The following ATP8A1 variants were observed in gnomAD, a reference collection of about 807,000 sequenced individuals.
The protein encoded by ATP8A1 is phospholipid-transporting ATPase IA.
In ATP8A1, 90 loss-of-function variants were observed where a neutral mutation model predicts 177.7. The ratio of observed to expected loss-of-function variants is 0.51; its 90% confidence interval spans 0.43 to 0.60. ATP8A1 has a LOEUF of 0.60. ATP8A1 is among the 20% of genes least tolerant of loss of function. The pLI is 0.00. For synonymous variants in ATP8A1, 493 were observed against 485.9 expected (o/e 1.01, Z -0.19); for missense variants, 1,072 against 1,392.8 (o/e 0.77, Z 3.67).
At position 42,467,475 on chromosome 4, in the gene ATP8A1, C is replaced by A. The variant is rs767695272; in HGVS notation, c.2325-2399G>T. Among the ~76,000 whole-genome samples, 92 of 151,982 alleles carry A rather than the reference C, an allele frequency of 6.1e-4. 1 individual carries two copies. Among genetic ancestry groups the A allele is most frequent in the Non-Finnish European group, 8.5e-4 (58 of 67,998 alleles). Reference sequence around the variant, plus strand: ...TTGGGAGGCTGAGGTGAGCGGATCACGAGGTCAGGAGATCGAGACCAGCCT... The same window carrying A: ...TTGGGAGGCTGAGGTGAGCGGATCAAGAGGTCAGGAGATCGAGACCAGCCT... On this transcript the variant is annotated intron_variant, in intron 25 of 36. Coordinates refer to ENST00000381668, the MANE Select transcript of ATP8A1 (RefSeq NM_006095.2).
chr4:42,641,272 C>T (rs552158717), intron 1 of ATP8A1, among the ~76,000 whole-genome samples: 2 of 152,222 alleles, frequency 1.3e-5, no homozygotes, highest in South Asian at 4.1e-4. Flanking sequence ...TGGGAGACAC[C>T]TGACCCAGCA....
At chr4:42,539,250 TG>T (rs1037275719) in intron 20 of ATP8A1, among the ~76,000 whole-genome samples, 1 of 147,596 alleles carries the variant, frequency 6.8e-6, no homozygotes, top group African/African-American at 2.5e-5. Flanking sequence ...CTTTGGGACC[TG>T]GGGGGAGAGG....
intron 1 of ATP8A1, among the ~76,000 whole-genome samples, chr4:42,635,782 CATATATATATATAT>C (rs764452182): frequency 4.6e-4 from 24 of 51,992 alleles, no homozygotes; most frequent in Admixed American, 1.3e-3. Flanking sequence ...CACACACACA[CATATATATATATAT>C]ATATATATAT....
rs181800991 is a variant in ATP8A1 at position 42,458,094 on chromosome 4, A to C, written c.2620-2495T>G. On this transcript the variant is annotated intron_variant, in intron 27 of 36. Transcript: ENST00000381668. ...TATTCAAGTTTACATATCTTAAAGG[A>C]GAAAGAGAAGGTCTTTAACAGTGAA... Among the ~76,000 whole-genome samples, 6 of 152,332 alleles carry C rather than the reference A, an allele frequency of 3.9e-5. No homozygotes were observed. In the East Asian group the frequency reaches 1.2e-3, roughly 29 times the overall value.
At chr4:42,576,287 C>T (rs558863977) in intron 12 of ATP8A1, among the ~76,000 whole-genome samples, 7 of 151,726 alleles carry the variant, frequency 4.6e-5, no homozygotes, top group East Asian at 3.9e-4. Context: ...CTGGCTAACA[C>T]GGTGAAACCC....
intron 24 of ATP8A1, among the ~76,000 whole-genome samples, chr4:42,487,132 T>C (rs1219219585): frequency 6.6e-6 from 1 of 152,198 alleles, no homozygotes; most frequent in Non-Finnish European, 1.5e-5. Flanking sequence ...TTCATGATGT[T>C]GTATTTAGTT....
chr4:42,443,234 C>A (rs762013794), intron 33 of ATP8A1, among the ~76,000 whole-genome samples: 1 of 152,192 alleles, frequency 6.6e-6, no homozygotes, highest in Non-Finnish European at 1.5e-5. Context: ...AATCTTTAAT[C>A]AAAATGTATT....
intron 5 of ATP8A1, among the ~76,000 whole-genome samples, chr4:42,608,506 C>T (rs1020992459): frequency 6.6e-6 from 1 of 151,940 alleles, no homozygotes; most frequent in African/African-American, 2.4e-5. Flanking sequence ...ATTACAGGTG[C>T]GTGCCACCAC....
At chr4:42,438,307 G>A (rs1198644611) in intron 33 of ATP8A1, among the ~76,000 whole-genome samples, 5 of 152,196 alleles carry the variant, frequency 3.3e-5, no homozygotes, top group African/African-American at 1.2e-4. Context: ...CATTAAATGA[G>A]TGACTACATG....
chr4:42,628,652 T>C (rs1738376604), intron 1 of ATP8A1, among the ~76,000 whole-genome samples: 1 of 146,314 alleles, frequency 6.8e-6, no homozygotes. Context: ...CACCATGTTC[T>C]AAACACATAC....
At chr4:42,474,011 C>G (rs953423421) in intron 25 of ATP8A1, among the ~76,000 whole-genome samples, 1 of 152,070 alleles carries the variant, frequency 6.6e-6, no homozygotes, top group African/African-American at 2.4e-5. Flanking sequence ...CATGACCTTC[C>G]TATGTTGTGT....
intron 1 of ATP8A1, among the ~76,000 whole-genome samples, chr4:42,628,564 A>G (rs1317494886): frequency 6.6e-6 from 1 of 152,148 alleles, no homozygotes; most frequent in African/African-American, 2.4e-5. Context: ...TGGAGGTCAC[A>G]TGGCTCCGAG....
intron 9 of ATP8A1, among the ~76,000 whole-genome samples, chr4:42,584,706 T>C (rs999930619): frequency 6.6e-6 from 1 of 152,192 alleles, no homozygotes; most frequent in Admixed American, 6.5e-5. Context: ...TTCTCAGTTA[T>C]TTCTTCCATC....
At chr4:42,547,317 A>T (rs537468589) in intron 19 of ATP8A1, among the ~76,000 whole-genome samples, 2 of 152,324 alleles carry the variant, frequency 1.3e-5, no homozygotes, top group South Asian at 4.1e-4. Flanking sequence ...TACAAGGTAC[A>T]CGGATTCTAT....
chr4:42,596,791 C>T (rs1327632166), intron 6 of ATP8A1, among the ~76,000 whole-genome samples: 1 of 152,028 alleles, frequency 6.6e-6, no homozygotes, highest in Non-Finnish European at 1.5e-5. Context: ...CCTTAATAAG[C>T]CAGAAGAATA....
chr4:42,610,582 CAA>C (rs369420258), intron 5 of ATP8A1, among the ~76,000 whole-genome samples: 32,579 of 127,520 alleles, frequency 0.26, 3,941 homozygotes, highest in Non-Finnish European at 0.32. Flanking sequence ...CCTTTGTGTG[CAA>C]AAAAAAAAAA....
At chr4:42,593,329 G>C (rs960993595) in intron 6 of ATP8A1, among the ~76,000 whole-genome samples, 38 of 152,106 alleles carry the variant, frequency 2.5e-4, no homozygotes, top group African/African-American at 7.7e-4. Context: ...AAGAACAGAG[G>C]GGGTGATTTG....
intron 27 of ATP8A1, among the ~76,000 whole-genome samples, chr4:42,462,428 G>A (rs549523608): frequency 1.1e-4 from 16 of 152,348 alleles, no homozygotes; most frequent in African/African-American, 3.4e-4. Flanking sequence ...CATAGAGTTC[G>A]GGCAGTGGCT....
At chr4:42,622,711 T>C (rs1050426287) in intron 4 of ATP8A1, among the ~76,000 whole-genome samples, 80 of 151,952 alleles carry the variant, frequency 5.3e-4, no homozygotes, top group African/African-American at 1.6e-3. Flanking sequence ...AACAACCCCA[T>C]TAAAAAGTGG....
Sources: gnomAD v4.1 joint callset for allele counts (sites outside exome capture counted in the v4.1 genomes callset) on GRCh38, gnomAD v4.1.1 for gene constraint, MANE v1.5 for transcripts, NCBI Gene and HGNC (gene_info 2026-07-23, HGNC 2026-07-21) for gene names.